The following PHACTR3 variants were observed in gnomAD, a reference collection of about 807,000 sequenced individuals.
PHACTR3 encodes the protein protein phosphatase 1, regulatory subunit 123.
A neutral mutation model predicts 66.8 loss-of-function variants in PHACTR3; 16 were observed. That is an observed-to-expected ratio of 0.24 (90% CI 0.16 to 0.36). The LOEUF is 0.36. PHACTR3 is among the 10% of genes least tolerant of loss of function. PHACTR3 has a pLI of 1.00. For missense variants in PHACTR3, 647 were observed against 719.9 expected, an observed-to-expected ratio of 0.90 and a Z score of 1.16; for synonymous variants, 323 against 292.1, an observed-to-expected ratio of 1.11 and a Z score of -1.08.
rs60619458 is a variant in PHACTR3 at position 59,753,152 on chromosome 20, TAAAA to T, written c.359-2021_359-2018del. Among the ~76,000 whole-genome samples the T allele has an allele frequency of 7.6e-3, 1,103 of 146,056 alleles. 16 individuals carry two copies. Among genetic ancestry groups the T allele is most frequent in the African/African-American group, 0.027 (1,066 of 40,130 alleles). ...AAATAGAAAAGACTTTCATAAAAATTAAAAAAAAAAAATCAAGGGTTGCAGCACG... is the reference window on the plus strand; with the variant it reads ...AAATAGAAAAGACTTTCATAAAAATTAAAAAAAATCAAGGGTTGCAGCACG... On this transcript the variant is annotated intron_variant, in intron 3 of 12. Transcript: ENST00000371015.
At chr20:59,813,976 T>A (rs1345163417) in intron 8 of PHACTR3, among the ~76,000 whole-genome samples, 1 of 152,212 alleles carries the variant, frequency 6.6e-6, no homozygotes, top group African/African-American at 2.4e-5. Flanking sequence ...CGTTTACTCA[T>A]CTGTTCTGTT....
At chr20:59,662,690 G>T (rs1335384224) in intron 1 of PHACTR3, among the ~76,000 whole-genome samples, 1 of 152,148 alleles carries the variant, frequency 6.6e-6, no homozygotes, top group Non-Finnish European at 1.5e-5. Context: ...TGGAGGAAAA[G>T]GGGCTGGAGG....
chr20:59,701,481 A>G (rs993233492), intron 1 of PHACTR3, among the ~76,000 whole-genome samples: 8 of 152,216 alleles, frequency 5.3e-5, no homozygotes, highest in Admixed American at 1.3e-4. Flanking sequence ...CTGACAGTCT[A>G]GCTACCAGAT....
chr20:59,752,565 A>AAGAAGTCCTTGCAGAAAACCTGCG, intron 3 of PHACTR3, among the ~76,000 whole-genome samples: 1 of 152,258 alleles, frequency 6.6e-6, no homozygotes, highest in African/African-American at 2.4e-5. Flanking sequence ...GAAGTCCTGC[A>AAGAAGTCCTTGCAGAAAACCTGCG]AGAAGTCCTT....
Position 59,840,306 on chromosome 20 carries a change from GA to G in PHACTR3, c.1385-62del, listed in dbSNP as rs2059034856. The G allele has an allele frequency of 8.2e-6, 13 of 1,577,246 alleles. No homozygotes were observed. The East Asian group carries it at 2.9e-4, about 35-fold the overall frequency. On this transcript the variant is annotated intron_variant, in intron 9 of 12. Transcript: ENST00000371015. ...ATCTTGGGAACACTTCCCTGCTGAA[GA>G]GAAGAACGTTTCAACCTGTTTCTCT... is the stretch of plus-strand genomic sequence containing the variant.
rs76054800 is a variant in PHACTR3, at chr20:59,812,153, C to G, written c.1328+5959C>G. On this transcript the variant is annotated intron_variant, in intron 8 of 12. Coordinates refer to ENST00000371015, the MANE Select transcript of PHACTR3 (RefSeq NM_080672.5). ...TGTTGATGGGGCTTGAGTGTCATTC[C>G]CATTCGTGACTGTTGTGTAATTTTG... Among the ~76,000 whole-genome samples the G allele has an allele frequency of 7.8e-3, 1,185 of 152,302 alleles. 14 individuals are homozygous for G. Among genetic ancestry groups the G allele is most frequent in the African/African-American group, 0.026 (1,082 of 41,544 alleles).
At chr20:59,684,463 G>T (rs1287365746) in intron 1 of PHACTR3, among the ~76,000 whole-genome samples, 1 of 152,168 alleles carries the variant, frequency 6.6e-6, no homozygotes, top group African/African-American at 2.4e-5. Context: ...CTTTGTGGCT[G>T]GTCTGGAGAC....
chr20:59,806,094 C>G lies in PHACTR3; in HGVS notation c.1228C>G (p.Arg410Gly). The G allele has an allele frequency of 6.2e-7, 1 of 1,614,234 alleles. No homozygotes were observed. The highest frequency in any genetic ancestry group is 8.5e-7 in the Non-Finnish European group (1 of 1,180,038). Residue 410 changes from arginine (R) to glycine (G), a missense_variant, in exon 8 of 13, where the codon CGG becomes GGG. Transcript: ENST00000371015. ...GCTCCTGGCCGTGAAGCTAAGGAAC[C>G]GGCCAAGCAAACAGGAACTAGAAGA... Reference protein sequence around the residue: ...KELLAVKLRNRPSKQELEDRN... With the variant: ...KELLAVKLRNGPSKQELEDRN...
intron 5 of PHACTR3, among the ~76,000 whole-genome samples, chr20:59,768,654 G>A (rs2040262941): frequency 6.6e-6 from 1 of 152,242 alleles, no homozygotes; most frequent in Non-Finnish European, 1.5e-5. Context: ...CTGAGACAAG[G>A]AGAGCCCGGG....
In PHACTR3 at chr20:59,747,714, A is replaced by G. The variant is rs375567612; in HGVS notation, c.281-44A>G. 404 of 1,601,290 alleles carry G rather than the reference A, an allele frequency of 2.5e-4. 5 individuals are homozygous for G. In the African/African-American group the frequency reaches 4.9e-3, roughly 19 times the overall value. ...GCTGTGGCTTGGACAGGGCCCAGTG[A>G]CACCTTTGCCTGAGACTCACCTGTG... On this transcript the variant is annotated intron_variant, in intron 2 of 12. Transcript: ENST00000371015.
chr20:59,664,599 C>T (rs373350992), intron 1 of PHACTR3, among the ~76,000 whole-genome samples: 1 of 152,220 alleles, frequency 6.6e-6, no homozygotes, highest in Non-Finnish European at 1.5e-5. Flanking sequence ...AGACATCCCC[C>T]TCCTGATCCC....
At chr20:59,764,233 C>T (rs940749966) in intron 4 of PHACTR3, among the ~76,000 whole-genome samples, 2 of 149,772 alleles carry the variant, frequency 1.3e-5, no homozygotes, top group Non-Finnish European at 3.0e-5. Flanking sequence ...GACACTGACC[C>T]CAGGCTGCCC....
intron 1 of PHACTR3, among the ~76,000 whole-genome samples, chr20:59,718,764 C>T (rs2146670671): frequency 6.6e-6 from 1 of 152,262 alleles, no homozygotes; most frequent in Middle Eastern, 3.4e-3. Flanking sequence ...GAGGAATATG[C>T]AACTTTTCAC....
At chr20:59,685,225 G>A (rs565679197) in intron 1 of PHACTR3, among the ~76,000 whole-genome samples, 24 of 152,316 alleles carry the variant, frequency 1.6e-4, no homozygotes, top group Admixed American at 2.6e-4. Context: ...AAGGCATCCT[G>A]AAGTGCATAT....
intron 4 of PHACTR3, among the ~76,000 whole-genome samples, chr20:59,760,630 T>A (rs1156341764): frequency 6.6e-6 from 1 of 152,206 alleles, no homozygotes; most frequent in South Asian, 2.1e-4. Flanking sequence ...TATGGAACTA[T>A]GAGTCCATTA....
chr20:59,715,405 CT>C, intron 1 of PHACTR3, among the ~76,000 whole-genome samples: 1 of 152,210 alleles, frequency 6.6e-6, no homozygotes, highest in Non-Finnish European at 1.5e-5. Context: ...CTAATTTATT[CT>C]GTTAATGTGG....
chr20:59,720,743 C>T (rs1490738647), intron 1 of PHACTR3, among the ~76,000 whole-genome samples: 2 of 152,218 alleles, frequency 1.3e-5, no homozygotes, highest in African/African-American at 4.8e-5. Context: ...GGCCACTTCT[C>T]CTAAAAACAT....
chr20:59,647,513 A>G (rs2035321093), intron 1 of PHACTR3, among the ~76,000 whole-genome samples: 1 of 152,166 alleles, frequency 6.6e-6, no homozygotes, highest in Non-Finnish European at 1.5e-5. Flanking sequence ...TTGGAGGTCC[A>G]TTGGCAGGAC....
chr20:59,656,905 C>T (rs2035636720), intron 1 of PHACTR3, among the ~76,000 whole-genome samples: 1 of 151,850 alleles, frequency 6.6e-6, no homozygotes, highest in South Asian at 2.1e-4. Flanking sequence ...AAACATTACT[C>T]CTGAATAGCA....
Sources: gnomAD v4.1 joint callset for allele counts (sites outside exome capture counted in the v4.1 genomes callset) on GRCh38, gnomAD v4.1.1 for gene constraint, MANE v1.5 for transcripts, NCBI Gene and HGNC (gene_info 2026-07-23, HGNC 2026-07-21) for gene names.